The following RBM20 variants were observed in gnomAD, a reference collection of about 807,000 sequenced individuals.
RBM20 encodes the protein RNA-binding protein 20.
A neutral mutation model predicts 110.1 loss-of-function variants in RBM20; 51 were observed. The ratio of observed to expected loss-of-function variants is 0.46; its 90% confidence interval spans 0.37 to 0.59. The LOEUF (loss-of-function observed/expected upper bound fraction) is 0.59, where lower values mean the gene tolerates loss of function less well. Among genes scored for constraint, RBM20 ranks in the 20% least tolerant of loss-of-function variants. RBM20 has a pLI of 0.00. For missense variants in RBM20, 1,512 were observed against 1,574.9 expected (o/e 0.96, Z 0.68); for synonymous variants, 589 against 618.2 (o/e 0.95, Z 0.70).
At chr10:110,793,973 A>T (rs1490493924) in intron 5 of RBM20, among the ~76,000 whole-genome samples, 1 of 152,270 alleles carries the variant, frequency 6.6e-6, no homozygotes, top group East Asian at 1.9e-4. Flanking sequence ...CCGGGTTGGG[A>T]ATTACTGCGT....
chr10:110,762,669 G>A (rs949348896), intron 1 of RBM20, among the ~76,000 whole-genome samples: 1 of 152,142 alleles, frequency 6.6e-6, no homozygotes, highest in East Asian at 1.9e-4. Context: ...AGGTAGGCAC[G>A]GTCCTCATCC....
At chr10:110,655,106 C>A (rs1385435416) in intron 1 of RBM20, among the ~76,000 whole-genome samples, 1 of 152,094 alleles carries the variant, frequency 6.6e-6, no homozygotes, top group Non-Finnish European at 1.5e-5. Flanking sequence ...TTCAAGCAAT[C>A]CTGTCTTCTC....
At chr10:110,773,527 A>G (rs755603837) in intron 1 of RBM20, among the ~76,000 whole-genome samples, 6 of 152,274 alleles carry the variant, frequency 3.9e-5, no homozygotes, top group Non-Finnish European at 7.3e-5. Flanking sequence ...TATTAAAAAT[A>G]AATTCTCACC....
chr10:110,812,507 A>C lies in RBM20; in HGVS notation c.2110A>C (p.Met704Leu). The C allele has an allele frequency of 6.4e-7, 1 of 1,551,668 alleles. No individual in the cohort carries two copies. The highest frequency in any genetic ancestry group is 1.2e-5 in the South Asian group (1 of 84,058). Residue 704 changes from methionine to leucine, a missense_variant, in exon 9 of 14, where the codon ATG (methionine) becomes CTG (leucine). Met to Leu is a conservative substitution (Grantham distance 15). This residue lies in a region of RBM20 where 1,149 missense variants were observed against 1,169.4 expected (regional missense o/e 0.98). Coordinates refer to ENST00000369519, the MANE Select transcript of RBM20 (RefSeq NM_001134363.3). ...CAACGGAGATGACAAGAGGGACAGG[A>C]TGGACCCCTGGGCACATGATCGCAA... is the stretch of plus-strand genomic sequence containing the variant. ...RDNGDDKRDR[M>L]DPWAHDRKHH...
At chr10:110,826,952 T>A (rs1351614826) in intron 12 of RBM20, among the ~76,000 whole-genome samples, 1 of 152,222 alleles carries the variant, frequency 6.6e-6, no homozygotes, top group Non-Finnish European at 1.5e-5. Context: ...CATCACATTC[T>A]GTTTATTTAT....
At chr10:110,797,275 G>A (rs1844561917) in intron 5 of RBM20, among the ~76,000 whole-genome samples, 1 of 152,002 alleles carries the variant, frequency 6.6e-6, no homozygotes, top group South Asian at 2.1e-4. Context: ...CTGGGTGATG[G>A]GAGTGAGACC....
chr10:110,720,375 C>A (rs1004422774), intron 1 of RBM20, among the ~76,000 whole-genome samples: 6 of 152,198 alleles, frequency 3.9e-5, no homozygotes, highest in Non-Finnish European at 8.8e-5. Context: ...CTCACACCAC[C>A]TTTGCTCTCC....
intron 1 of RBM20, among the ~76,000 whole-genome samples, chr10:110,766,323 T>G (rs553957359): frequency 2.6e-5 from 4 of 151,896 alleles, no homozygotes; most frequent in African/African-American, 4.8e-5. Context: ...GTTTTTTTTT[T>G]TGTTTTTTGT....
chr10:110,649,816 C>T (rs1284616489), intron 1 of RBM20, among the ~76,000 whole-genome samples: 1 of 152,164 alleles, frequency 6.6e-6, no homozygotes, highest in African/African-American at 2.4e-5. Flanking sequence ...AAGGAGCACA[C>T]GGCAGTTCCC....
At chr10:110,750,899 T>C (rs1406753290) in intron 1 of RBM20, among the ~76,000 whole-genome samples, 5 of 152,142 alleles carry the variant, frequency 3.3e-5, no homozygotes. Flanking sequence ...AGCAAGGTGG[T>C]CATTTGTGGG....
intron 1 of RBM20, among the ~76,000 whole-genome samples, chr10:110,645,020 T>C (rs1564804331): frequency 6.6e-6 from 1 of 151,914 alleles, no homozygotes; most frequent in East Asian, 1.9e-4. Flanking sequence ...TGCGCGCGCG[T>C]GAGGGTGTGT....
At chr10:110,814,450 T>G (rs1844813809) in intron 9 of RBM20, among the ~76,000 whole-genome samples, 1 of 152,138 alleles carries the variant, frequency 6.6e-6, no homozygotes, top group Non-Finnish European at 1.5e-5. Context: ...GAGGGTGATA[T>G]TTGAGCTGAG....
At chr10:110,653,682 A>G (rs775214276) in intron 1 of RBM20, among the ~76,000 whole-genome samples, 2 of 151,918 alleles carry the variant, frequency 1.3e-5, no homozygotes, top group African/African-American at 4.8e-5. Flanking sequence ...CAACCTTCCA[A>G]GTAGCTGGTA....
chr10:110,649,480 G>T (rs1861916625), intron 1 of RBM20, among the ~76,000 whole-genome samples: 1 of 152,100 alleles, frequency 6.6e-6, no homozygotes, highest in Admixed American at 6.5e-5. Context: ...TTGAGATACT[G>T]GAGTTAAAAC....
At chr10:110,733,848 T>C (rs1411572065) in intron 1 of RBM20, among the ~76,000 whole-genome samples, 1 of 152,228 alleles carries the variant, frequency 6.6e-6, no homozygotes, top group African/African-American at 2.4e-5. Flanking sequence ...AGCAATTCGG[T>C]TTGCCCTTCT....
chr10:110,667,677 CA>C (rs770948048), intron 1 of RBM20, among the ~76,000 whole-genome samples: 28 of 152,200 alleles, frequency 1.8e-4, no homozygotes, highest in Non-Finnish European at 3.8e-4. Context: ...CACAGGGCTT[CA>C]TCCTGGCAGT....
intron 9 of RBM20, among the ~76,000 whole-genome samples, chr10:110,817,916 T>C (rs780125192): frequency 1.6e-4 from 24 of 152,236 alleles, no homozygotes; most frequent in Non-Finnish European, 5.9e-5. Flanking sequence ...CAGGGCCTTG[T>C]AGGCAGGTTG....
chr10:110,717,901 AC>A (rs1387216133), intron 1 of RBM20, among the ~76,000 whole-genome samples: 1 of 152,040 alleles, frequency 6.6e-6, no homozygotes, highest in Non-Finnish European at 1.5e-5. Flanking sequence ...TTCTCAAGCA[AC>A]CCCAGTTAGC....
chr10:110,758,123 A>G (rs1843945876), intron 1 of RBM20, among the ~76,000 whole-genome samples: 2 of 147,382 alleles, frequency 1.4e-5, no homozygotes, highest in South Asian at 4.3e-4. Flanking sequence ...GGCTCAAGCA[A>G]TCCTCCTGTC....
Sources: gnomAD v4.1 joint callset for allele counts (sites outside exome capture counted in the v4.1 genomes callset) on GRCh38, gnomAD v4.1.1 for gene constraint, gnomAD v4.1.1 regional missense constraint, MANE v1.5 for transcripts, NCBI Gene and HGNC (gene_info 2026-07-23, HGNC 2026-07-21) for gene names.